FAM171A1: variants seen among roughly 807,000 people sequenced by gnomAD.
FAM171A1 encodes family with sequence similarity 171 member A1.
A neutral mutation model predicts 74.9 loss-of-function variants in FAM171A1; 23 were observed. That is an observed-to-expected ratio of 0.31 (90% confidence interval 0.22 to 0.44). The LOEUF (loss-of-function observed/expected upper bound fraction) is 0.44. Among genes scored for constraint, FAM171A1 ranks in the 20% least tolerant of loss-of-function variants. The probability of loss-of-function intolerance (pLI) is 1.00; values close to 1 mark genes in which losing one functional copy is unlikely to be tolerated. For missense variants in FAM171A1, 1,162 were observed against 1,159.2 expected, an observed-to-expected ratio of 1.00 and a Z score of -0.03; for synonymous variants, 527 against 505.7, an observed-to-expected ratio of 1.04 and a Z score of -0.57.
chr10:15,254,583 C>T, intron 4 of FAM171A1, 138 bp downstream of exon 4: 1 of 928,852 alleles, frequency 1.1e-6, no homozygotes, highest in South Asian at 1.8e-5. Flanking sequence ...AGCACTTGAA[C>T]TTGTACCAAG....
intron 1 of FAM171A1, among the ~76,000 whole-genome samples, chr10:15,365,590 G>T (rs1836049943): frequency 6.6e-6 from 1 of 152,134 alleles, no homozygotes; most frequent in Admixed American, 6.5e-5. Context: ...GGCCAACATG[G>T]TGAAACCCCA....
At chr10:15,307,415 C>A (rs897094642) in intron 1 of FAM171A1, among the ~76,000 whole-genome samples, 1 of 151,880 alleles carries the variant, frequency 6.6e-6, no homozygotes, top group Non-Finnish European at 1.5e-5. Flanking sequence ...AAGGTTGAGG[C>A]GGGTGGATCA....
chr10:15,373,167 C>T (rs890056842), upstream of FAM171A1, among the ~76,000 whole-genome samples: 4 of 152,190 alleles, frequency 2.6e-5, no homozygotes, highest in Non-Finnish European at 5.9e-5. Context: ...TTTATAGTCA[C>T]CCTTAGGACC....
At chr10:15,290,993 C>T (rs947857013) in intron 1 of FAM171A1, among the ~76,000 whole-genome samples, 6 of 152,096 alleles carry the variant, frequency 3.9e-5, no homozygotes, top group African/African-American at 1.4e-4. Context: ...TGGGACCACA[C>T]GCATGCACCA....
chr10:15,227,272 A>AT (rs1214095097), intron 5 of FAM171A1, among the ~76,000 whole-genome samples: 1 of 152,124 alleles, frequency 6.6e-6, no homozygotes, highest in Non-Finnish European at 1.5e-5. Context: ...AAGTGTAGGG[A>AT]TTATAGGTGT....
chr10:15,264,606 G>GA (rs1201286677), intron 3 of FAM171A1, among the ~76,000 whole-genome samples: 1 of 149,526 alleles, frequency 6.7e-6, no homozygotes, highest in African/African-American at 2.5e-5. Flanking sequence ...GCAACATGGT[G>GA]AAACCCTGTT....
At chr10:15,271,579 G>T (rs998947146) in intron 3 of FAM171A1, among the ~76,000 whole-genome samples, 1 of 152,124 alleles carries the variant, frequency 6.6e-6, no homozygotes, top group Non-Finnish European at 1.5e-5. Flanking sequence ...ACACATAATT[G>T]TCAGATTCAC....
chr10:15,305,586 G>C (rs948457156), intron 1 of FAM171A1, among the ~76,000 whole-genome samples: 1 of 144,640 alleles, frequency 6.9e-6, no homozygotes, highest in African/African-American at 2.6e-5. Flanking sequence ...AAAATGGCTT[G>C]AGGTCAGGAG....
intron 1 of FAM171A1, among the ~76,000 whole-genome samples, chr10:15,350,882 A>T (rs1220223166): frequency 6.6e-6 from 1 of 152,122 alleles, no homozygotes; most frequent in Non-Finnish European, 1.5e-5. Context: ...ACCTCGAGTG[A>T]TCTGCCTGCT....
intron 1 of FAM171A1, among the ~76,000 whole-genome samples, chr10:15,286,674 G>A (rs1034796544): frequency 6.6e-6 from 1 of 152,134 alleles, no homozygotes; most frequent in Non-Finnish European, 1.5e-5. Context: ...CTCCACCTTG[G>A]TAACTTGCCA....
intron 1 of FAM171A1, among the ~76,000 whole-genome samples, chr10:15,342,852 G>A (rs944021674): frequency 6.6e-6 from 1 of 152,198 alleles, no homozygotes; most frequent in Admixed American, 6.5e-5. Flanking sequence ...TGCCTACATG[G>A]ATTTTTGATC....
chr10:15,295,233 C>T (rs1835147126), intron 1 of FAM171A1, among the ~76,000 whole-genome samples: 1 of 152,182 alleles, frequency 6.6e-6, no homozygotes, highest in Non-Finnish European at 1.5e-5. Flanking sequence ...CCACCACGCC[C>T]GGCCAGCATG....
intron 1 of FAM171A1, among the ~76,000 whole-genome samples, chr10:15,336,888 T>C (rs1271134572): frequency 4.8e-5 from 7 of 147,058 alleles, no homozygotes; most frequent in Admixed American, 1.3e-4. Flanking sequence ...CTGTGTACCA[T>C]GAATTTTCTT....
At chr10:15,326,559 C>T (rs1049022412) in intron 1 of FAM171A1, among the ~76,000 whole-genome samples, 2 of 152,080 alleles carry the variant, frequency 1.3e-5, no homozygotes, top group Non-Finnish European at 2.9e-5. Flanking sequence ...GGTGATCCAC[C>T]TGCCTCGGCC....
intron 5 of FAM171A1, among the ~76,000 whole-genome samples, chr10:15,228,588 C>T (rs560346630): frequency 7.9e-5 from 12 of 152,318 alleles, no homozygotes; most frequent in Admixed American, 7.8e-4. Context: ...AAGTGATCCT[C>T]CTCCTGCCTC....
At chr10:15,323,613 T>C (rs1283207635) in intron 1 of FAM171A1, among the ~76,000 whole-genome samples, 6 of 152,168 alleles carry the variant, frequency 3.9e-5, no homozygotes, top group Admixed American at 3.9e-4. Context: ...GGTGGGCATA[T>C]AGAATTAGAA....
At chr10:15,226,833 T>C (rs1026344012) in intron 5 of FAM171A1, among the ~76,000 whole-genome samples, 2 of 152,048 alleles carry the variant, frequency 1.3e-5, no homozygotes, top group Non-Finnish European at 2.9e-5. Context: ...TTATAACGTG[T>C]TATCAGTGTT....
In FAM171A1 at chr10:15,371,243, C is replaced by CGCGGCGGCG. The variant is rs559398047; in HGVS notation, c.-200_-192dup. Among the ~76,000 whole-genome samples the CGCGGCGGCG allele has an allele frequency of 5.8e-3, 815 of 141,662 alleles. 1 individual carries two copies. Among genetic ancestry groups the CGCGGCGGCG allele is most frequent in the African/African-American group, 0.019 (746 of 39,888 alleles). 92.9% of individuals were successfully genotyped at this position (141,662 alleles called of 152,430 possible). On this transcript the variant is annotated 5_prime_UTR_variant, in exon 1 of 8. Transcript: ENST00000378116. ...CCCGCGCCGGGTTTCCCCGAAGAGCCGCGGCGGCGGCGGCGGCGGCGGCTG... is the reference window on the plus strand; with the variant it reads ...CCCGCGCCGGGTTTCCCCGAAGAGCCGCGGCGGCGGCGGCGGCGGCGGCGGCGGCGGCTG...
intron 4 of FAM171A1, among the ~76,000 whole-genome samples, chr10:15,252,454 C>T (rs1215616167): frequency 1.3e-5 from 2 of 152,128 alleles, no homozygotes; most frequent in African/African-American, 2.4e-5. Flanking sequence ...ACGTCTGGTC[C>T]AGGCGTGCTC....
Sources: gnomAD v4.1 joint callset for allele counts (sites outside exome capture counted in the v4.1 genomes callset) on GRCh38, gnomAD v4.1.1 for gene constraint, MANE v1.5 for transcripts, NCBI Gene and HGNC (gene_info 2026-07-23, HGNC 2026-07-21) for gene names.